The following GRID1 variants were observed in gnomAD, a reference collection of about 807,000 sequenced individuals.
GRID1 encodes glutamate receptor ionotropic, delta-1.
Under a neutral mutation model 98.0 loss-of-function variants are expected in GRID1, and 28 were observed. The observed-to-expected ratio is 0.29, with a 90% CI of 0.21 to 0.39. The LOEUF (loss-of-function observed/expected upper bound fraction) is 0.39, where lower values mean the gene tolerates loss of function less well. Ranked by LOEUF, GRID1 falls within the 10% of genes least tolerant of loss-of-function variation. The probability of loss-of-function intolerance (pLI) is 1.00; values close to 1 mark genes in which losing one functional copy is unlikely to be tolerated. For synonymous variants in GRID1, 553 were observed against 538.5 expected (o/e 1.03, Z -0.37); for missense variants, 1,111 against 1,340.5 (o/e 0.83, Z 2.67).
chr10:86,120,834 G>C (rs970065741), intron 4 of GRID1, among the ~76,000 whole-genome samples: 13 of 152,092 alleles, frequency 8.5e-5, no homozygotes, highest in African/African-American at 3.1e-4. Flanking sequence ...CTTTGTCGTG[G>C]GGGGAGTGAT....
Position 86,141,174 on chromosome 10 carries a change from G to A in GRID1, c.521-2150C>T, listed in dbSNP as rs76079903. ...CCAAAGTGAAGAAAGGTAGCCAACT[G>A]AGGACAATATGGTGCCTTACACCTG... On this transcript the variant is annotated intron_variant, in intron 3 of 15. Transcript: ENST00000327946. 2.0e-5 allele frequency among the ~76,000 whole-genome samples: 3 copies of A among 152,212 alleles called. No individual in the cohort carries two copies. The East Asian group carries it at 5.8e-4, about 29-fold the overall frequency.
intron 8 of GRID1, among the ~76,000 whole-genome samples, chr10:85,839,538 A>T (rs1416691128): frequency 6.6e-6 from 1 of 152,206 alleles, no homozygotes; most frequent in Non-Finnish European, 1.5e-5. Context: ...GTAAATAATA[A>T]TATTAAAGCA....
intron 2 of GRID1, among the ~76,000 whole-genome samples, chr10:86,319,887 C>T (rs984062520): frequency 6.6e-6 from 1 of 152,238 alleles, no homozygotes; most frequent in African/African-American, 2.4e-5. Flanking sequence ...CAGTGACAAG[C>T]AGCTGTACCA....
intron 2 of GRID1, among the ~76,000 whole-genome samples, chr10:86,243,823 G>C (rs2814341): frequency 0.89 from 135,964 of 152,240 alleles, 61,275 homozygotes; most frequent in African/African-American, 0.92. Context: ...CCCAGCACAA[G>C]GCGGGCAGAT....
intron 2 of GRID1, among the ~76,000 whole-genome samples, chr10:86,324,579 G>A (rs1235595201): frequency 2.7e-5 from 4 of 145,564 alleles, no homozygotes; most frequent in African/African-American, 7.3e-5. Flanking sequence ...ACACAGGGCC[G>A]CTGTTGAGAA....
intron 2 of GRID1, among the ~76,000 whole-genome samples, chr10:86,341,565 T>C (rs1386919418): frequency 6.6e-6 from 1 of 152,128 alleles, no homozygotes; most frequent in African/African-American, 2.4e-5. Flanking sequence ...CTCCTGCGGC[T>C]CCCAGAGCTA....
chr10:85,686,425 T>C (rs556368233), intron 12 of GRID1, among the ~76,000 whole-genome samples: 23 of 152,350 alleles, frequency 1.5e-4, no homozygotes, highest in Non-Finnish European at 3.1e-4. Flanking sequence ...ATTGGCATAC[T>C]GGCAAAATAT....
intron 8 of GRID1, among the ~76,000 whole-genome samples, chr10:85,775,147 T>C (rs1302741221): frequency 6.6e-6 from 1 of 152,104 alleles, no homozygotes; most frequent in African/African-American, 2.4e-5. Context: ...TATGCAGCCA[T>C]AAAAAATGAT....
rs114758165 is a variant in GRID1, at chr10:85,959,857, G to T, written c.727-43618C>A. On this transcript the variant is annotated intron_variant, in intron 4 of 15. Transcript: ENST00000327946. ...TAAACATTCATGTCCAAGTCATTGT[G>T]TGGATATATTTTTTTCATTTCTTTT... Among the ~76,000 whole-genome samples, 687 of 151,886 alleles carry T rather than the reference G, an allele frequency of 4.5e-3. 11 individuals carry two copies. Among genetic ancestry groups the T allele is most frequent in the African/African-American group, 0.016 (655 of 41,448 alleles).
chr10:86,178,048 A>G (rs1157688129), intron 3 of GRID1, among the ~76,000 whole-genome samples: 1 of 152,040 alleles, frequency 6.6e-6, no homozygotes, highest in Non-Finnish European at 1.5e-5. Context: ...TCAAGTGAGG[A>G]GGACTCTGGC....
chr10:86,138,396 C>A (rs770024863), intron 4 of GRID1, among the ~76,000 whole-genome samples: 6 of 152,146 alleles, frequency 3.9e-5, no homozygotes, highest in Admixed American at 3.9e-4. Context: ...GGCAAAGACA[C>A]CTCCTCCAGG....
intron 13 of GRID1, among the ~76,000 whole-genome samples, chr10:85,633,090 G>T (rs1458327049): frequency 6.6e-6 from 1 of 152,076 alleles, no homozygotes; most frequent in African/African-American, 2.4e-5. Context: ...ATTCCATGGT[G>T]TATTAATTTT....
chr10:85,892,537 A>C (rs1841217888), intron 5 of GRID1, among the ~76,000 whole-genome samples: 1 of 151,836 alleles, frequency 6.6e-6, no homozygotes, highest in African/African-American at 2.4e-5. Flanking sequence ...TACATCTTTT[A>C]AGTATGAAAA....
At chr10:85,755,081 T>C (rs1842083972) in intron 8 of GRID1, among the ~76,000 whole-genome samples, 1 of 152,170 alleles carries the variant, frequency 6.6e-6, no homozygotes, top group Non-Finnish European at 1.5e-5. Context: ...TTCTCCCTAG[T>C]TCCCCCCACT....
chr10:86,066,596 C>T (rs1843723614), intron 4 of GRID1, among the ~76,000 whole-genome samples: 1 of 152,194 alleles, frequency 6.6e-6, no homozygotes, highest in South Asian at 2.1e-4. Context: ...GTTCCTTAAC[C>T]TCTGAGTCTC....
intron 2 of GRID1, among the ~76,000 whole-genome samples, chr10:86,348,428 C>T (rs1055054084): frequency 2.0e-5 from 3 of 152,196 alleles, no homozygotes; most frequent in African/African-American, 2.4e-5. Context: ...CGGGGCTCTG[C>T]GGCACAGGGT....
intron 8 of GRID1, among the ~76,000 whole-genome samples, chr10:85,753,844 G>A (rs1842070864): frequency 6.6e-6 from 1 of 152,138 alleles, no homozygotes; most frequent in African/African-American, 2.4e-5. Flanking sequence ...TTGTGTTCCG[G>A]AAGGATTGCA....
At chr10:85,716,141 A>G (rs578139705) in intron 12 of GRID1, among the ~76,000 whole-genome samples, 63 of 152,220 alleles carry the variant, frequency 4.1e-4, no homozygotes, top group Middle Eastern at 6.8e-3. Flanking sequence ...TCCTGACCTC[A>G]GGTGATTCAC....
intron 4 of GRID1, among the ~76,000 whole-genome samples, chr10:86,016,344 C>T (rs1842980855): frequency 6.6e-6 from 1 of 151,908 alleles, no homozygotes; most frequent in Non-Finnish European, 1.5e-5. Context: ...GACGGGGTTT[C>T]ACCGTGTTAG....
Sources: gnomAD v4.1 joint callset for allele counts (sites outside exome capture counted in the v4.1 genomes callset) on GRCh38, gnomAD v4.1.1 for gene constraint, MANE v1.5 for transcripts, NCBI Gene and HGNC (gene_info 2026-07-23, HGNC 2026-07-21) for gene names.